The following SVOP variants were observed in gnomAD, a reference collection of about 807,000 sequenced individuals.
The protein encoded by SVOP is SV2 related protein.
SVOP carries 17 observed loss-of-function variants against 69.1 expected under a neutral mutation model. The ratio of observed to expected loss-of-function variants is 0.25; its 90% CI spans 0.17 to 0.37. The LOEUF (loss-of-function observed/expected upper bound fraction) is 0.37, where lower values mean the gene tolerates loss of function less well. Ranked by LOEUF, SVOP falls within the 10% of genes least tolerant of loss-of-function variation. The probability of loss-of-function intolerance (pLI) is 1.00; values close to 1 mark genes in which losing one functional copy is unlikely to be tolerated. For synonymous variants in SVOP, 238 were observed against 238.6 expected (o/e 1.00, Z 0.02); for missense variants, 435 against 597.5 (o/e 0.73, Z 2.84).
intron 5 of SVOP, 149 bp from the exon 6 acceptor site, chr12:108,961,196 C>A: frequency 2.1e-6 from 2 of 958,988 alleles, no homozygotes; most frequent in Non-Finnish European, 2.9e-6. Flanking sequence ...TGGGGAGTGC[C>A]AACCCACAGG....
chr12:108,922,977 T>C (rs2039759373), intron 11 of SVOP, among the ~76,000 whole-genome samples, 180 bp from the exon 12 acceptor site: 1 of 152,198 alleles, frequency 6.6e-6, no homozygotes, highest in Non-Finnish European at 1.5e-5. Flanking sequence ...GCTTCATCTC[T>C]CTAAGTGTGA....
At chr12:109,006,085 TC>T (rs1224092758) in intron 1 of SVOP, among the ~76,000 whole-genome samples, 2 of 152,166 alleles carry the variant, frequency 1.3e-5, no homozygotes, top group Non-Finnish European at 2.9e-5. Flanking sequence ...AGAGTCTCAC[TC>T]TTGTCACCCA....
At chr12:109,003,285 T>C (rs1210132883) in intron 1 of SVOP, among the ~76,000 whole-genome samples, 1 of 152,220 alleles carries the variant, frequency 6.6e-6, no homozygotes, top group African/African-American at 2.4e-5. Context: ...CCTTCTGTAA[T>C]GTTTGACATT....
At chr12:108,940,223 TTACCG>T (rs2039882736) in intron 8 of SVOP, among the ~76,000 whole-genome samples, 1 of 152,184 alleles carries the variant, frequency 6.6e-6, no homozygotes, top group Non-Finnish European at 1.5e-5. Flanking sequence ...TTTGTGGTAT[TTACCG>T]TACATGAGAA....
chr12:108,946,841 C>T (rs1255986992), intron 6 of SVOP, among the ~76,000 whole-genome samples: 1 of 151,966 alleles, frequency 6.6e-6, no homozygotes, highest in Non-Finnish European at 1.5e-5. Context: ...ACCTCAGCCT[C>T]CTGAGTAGCT....
chr12:108,950,539 C>T (rs901769395), intron 6 of SVOP, among the ~76,000 whole-genome samples: 2 of 152,136 alleles, frequency 1.3e-5, no homozygotes, highest in Admixed American at 1.3e-4. Context: ...TGCACCACCA[C>T]ACTTGGCTAA....
intron 11 of SVOP, among the ~76,000 whole-genome samples, chr12:108,931,656 A>G (rs1456279411): frequency 6.6e-6 from 1 of 151,930 alleles, no homozygotes; most frequent in African/African-American, 2.4e-5. Flanking sequence ...ACATGGTGAA[A>G]CCCCGTCTCT....
At chr12:108,943,118 G>C (rs2039902208) in intron 7 of SVOP, among the ~76,000 whole-genome samples, 1 of 151,846 alleles carries the variant, frequency 6.6e-6, no homozygotes. Flanking sequence ...TTTCCTACTG[G>C]GACCCTGACT....
At chr12:108,987,577 C>T (rs140894779) in intron 1 of SVOP, among the ~76,000 whole-genome samples, 367 of 152,294 alleles carry the variant, frequency 2.4e-3, no homozygotes, top group Middle Eastern at 0.01. Context: ...CACAAAGATT[C>T]CAATTTCTCC....
Position 108,912,056 on chromosome 12 carries a change from C to G in SVOP, c.*479G>C. ...CCAGGAAATAGCTGCTCAGACCACACCTAGATCGCCTGCAATTTCAAAGAA... is the reference window on the plus strand; with the variant it reads ...CCAGGAAATAGCTGCTCAGACCACAGCTAGATCGCCTGCAATTTCAAAGAA... On this transcript the variant is annotated 3_prime_UTR_variant, in exon 16 of 16. Transcript: ENST00000610966. 1 of 592,436 alleles carries G rather than the reference C, an allele frequency of 1.7e-6. No homozygotes were observed. The highest frequency in any genetic ancestry group is 2.1e-6 in the Non-Finnish European group (1 of 467,258). 36.7% of individuals were successfully genotyped at this position (592,436 alleles called of 1,614,324 possible).
chr12:108,933,121 T>G (rs983457134), intron 11 of SVOP, among the ~76,000 whole-genome samples: 4 of 152,126 alleles, frequency 2.6e-5, no homozygotes, highest in African/African-American at 9.7e-5. Flanking sequence ...TCAGCCTACC[T>G]GCCTCGGCCT....
chr12:108,916,121 C>A (rs1229708978), intron 14 of SVOP, among the ~76,000 whole-genome samples: 1 of 152,106 alleles, frequency 6.6e-6, no homozygotes, highest in Non-Finnish European at 1.5e-5. Context: ...CTGGGGGGGG[C>A]TCCCCAAAGA....
At chr12:108,934,970 A>G (rs943814137) in intron 10 of SVOP, among the ~76,000 whole-genome samples, 4 of 152,180 alleles carry the variant, frequency 2.6e-5, no homozygotes, top group African/African-American at 7.2e-5. Context: ...ACATTACTCT[A>G]TAGACTGGTC....
chr12:108,999,977 G>A (rs1360712241), intron 1 of SVOP, among the ~76,000 whole-genome samples: 1 of 150,614 alleles, frequency 6.6e-6, no homozygotes, highest in Non-Finnish European at 1.5e-5. Flanking sequence ...CAGAACTGAA[G>A]GAAATAGAGA....
At chr12:108,978,501 T>C in intron 3 of SVOP, 77 bp downstream of exon 3, 1 of 680,256 alleles carries the variant, frequency 1.5e-6, no homozygotes, top group Non-Finnish European at 2.7e-6. Context: ...GTGTCCTTCC[T>C]TGTAGGCCAT....
At chr12:108,959,458 A>G (rs1429229802) in intron 6 of SVOP, among the ~76,000 whole-genome samples, 2 of 148,064 alleles carry the variant, frequency 1.4e-5, no homozygotes, top group Admixed American at 1.4e-4. Context: ...GGTTCAAGCG[A>G]TTCTCCTGCC....
chr12:108,923,608 G>A (rs2039763431), intron 11 of SVOP, among the ~76,000 whole-genome samples: 1 of 151,972 alleles, frequency 6.6e-6, no homozygotes, highest in Non-Finnish European at 1.5e-5. Context: ...CAGAAGCTAT[G>A]AGATGATAAG....
intron 9 of SVOP, among the ~76,000 whole-genome samples, chr12:108,938,321 A>T (rs1450348908): frequency 1.3e-5 from 2 of 152,212 alleles, no homozygotes; most frequent in African/African-American, 4.8e-5. Context: ...TGGTGCCTAC[A>T]TATACTAGGT....
intron 4 of SVOP, among the ~76,000 whole-genome samples, chr12:108,975,232 A>G (rs1467974964): frequency 6.6e-6 from 1 of 152,232 alleles, no homozygotes; most frequent in African/African-American, 2.4e-5. Flanking sequence ...CTATATCATA[A>G]TAATTACGGT....
Sources: allele counts gnomAD v4.1 joint callset (sites outside exome capture counted in the v4.1 genomes callset), GRCh38; gene constraint gnomAD v4.1.1; transcripts MANE v1.5; gene names NCBI Gene and HGNC (gene_info 2026-07-23, HGNC 2026-07-21).